Variants in MTOR observed in about 807,000 individuals in gnomAD.
The protein encoded by MTOR is serine/threonine-protein kinase mTOR.
In MTOR, 70 loss-of-function variants were observed where a neutral mutation model predicts 319.8. The ratio of observed to expected loss-of-function variants is 0.22; its 90% CI spans 0.18 to 0.27. The LOEUF is 0.27. Among genes scored for constraint, MTOR ranks in the 10% least tolerant of loss-of-function variants. The pLI is 1.00. For synonymous variants in MTOR, 1,183 were observed against 1,211.4 expected (o/e 0.98, Z 0.49); for missense variants, 1,890 against 3,274.4 (o/e 0.58, Z 10.32).
chr1:11,122,683 A>G (rs1321567578), intron 47 of MTOR, among the ~76,000 whole-genome samples: 1 of 150,550 alleles, frequency 6.6e-6, no homozygotes, highest in East Asian at 2.0e-4. Flanking sequence ...AATTTTTTGT[A>G]TTTTTAGTAG....
At chr1:11,250,086 C>T (rs1226709487) in intron 6 of MTOR, among the ~76,000 whole-genome samples, 4 of 131,118 alleles carry the variant, frequency 3.1e-5, no homozygotes, top group East Asian at 4.8e-4. Context: ...GGCGGCTGGC[C>T]GGGCAGAGGG....
At chr1:11,132,890 T>C in intron 38 of MTOR, 190 bp downstream of exon 38, 1 of 589,226 alleles carries the variant, frequency 1.7e-6, no homozygotes. Context: ...CAATAATCTT[T>C]CTGTATTAAT....
rs1191287195 is a variant in MTOR, at chr1:11,259,387, G to A, written c.23C>T (p.Ala8Val). MLGTGPA[A>V]ATTAATTSSN... ...AGATGTGGTGGCAGCGGTGGTGGCGGCGGCAGGTCCGGTTCCAAGCATCTT... is the reference window on the plus strand; with the variant it reads ...AGATGTGGTGGCAGCGGTGGTGGCGACGGCAGGTCCGGTTCCAAGCATCTT... Residue 8 changes from alanine to valine, a missense_variant, in exon 2 of 58, where the codon GCC (alanine) becomes GTC (valine). Coordinates refer to ENST00000361445, the MANE Select transcript of MTOR (RefSeq NM_004958.4). 1 of 1,589,668 alleles carries A rather than the reference G, an allele frequency of 6.3e-7. No individual in the cohort carries two copies. Among genetic ancestry groups the A allele is most frequent in the Non-Finnish European group, 8.5e-7 (1 of 1,170,280 alleles).
chr1:11,253,546 T>C (rs1405610936), intron 6 of MTOR, among the ~76,000 whole-genome samples: 1 of 151,896 alleles, frequency 6.6e-6, no homozygotes, highest in Non-Finnish European at 1.5e-5. Flanking sequence ...TGGAACACAG[T>C]CCCCCGGCCT....
intron 30 of MTOR, among the ~76,000 whole-genome samples, chr1:11,153,968 C>A (rs1400291664): frequency 2.8e-5 from 4 of 141,722 alleles, no homozygotes; most frequent in Non-Finnish European, 6.1e-5. Context: ...ACTCAGGAGG[C>A]TGGGGCAGGA....
rs143625307 is a variant in MTOR, at chr1:11,145,983, T to A, written c.4686+693A>T. On this transcript the variant is annotated intron_variant, in intron 32 of 57. Transcript: ENST00000361445. ...CTGTCCACATGAACGGGAACTCTTG[T>A]GTCTCTGACAGAGACAACCAAGATC... Among the ~76,000 whole-genome samples the A allele has an allele frequency of 7.7e-3, 1,175 of 152,316 alleles. 21 individuals are homozygous for A. Among genetic ancestry groups the A allele is most frequent in the African/African-American group, 0.027 (1,109 of 41,556 alleles).
At chr1:11,158,623 A>T (rs1470029603) in intron 29 of MTOR, among the ~76,000 whole-genome samples, 1 of 152,104 alleles carries the variant, frequency 6.6e-6, no homozygotes, top group Admixed American at 6.6e-5. Context: ...TATTATGCCT[A>T]AATACAAAAT....
At chr1:11,108,393 A>G in intron 56 of MTOR, 107 bp from the exon 57 acceptor site, 2 of 877,090 alleles carry the variant, frequency 2.3e-6, no homozygotes, top group Non-Finnish European at 3.7e-6. Flanking sequence ...GTCAGACATG[A>G]AGATGAAGGA....
rs763010045 is a variant in MTOR, at chr1:11,127,164, C to A, written c.6217-20G>T. ...ATAGGCCTGAGAGAGAAAGCAGGCA[C>A]GTTTTCAAGTTATCAAAGTCTCAAC... On this transcript the variant is annotated intron_variant, in intron 44 of 57. Coordinates refer to ENST00000361445, the MANE Select transcript of MTOR (RefSeq NM_004958.4). The surrounding 1 kb of genome is among the most constrained non-coding windows in gnomAD (Gnocchi z 5.5). 2.5e-6 allele frequency: 4 copies of A among 1,612,864 alleles called. No homozygotes were observed. Among genetic ancestry groups the A allele is most frequent in the Non-Finnish European group, 8.5e-7 (1 of 1,179,732 alleles).
Position 11,127,270 on chromosome 1 carries a change from C to A in MTOR, c.6217-126G>T. ...GTGGCCTGAAAACACTGGCAGGGGG[C>A]TGGAGAAAGCAAGAGCATAGGTGCA... On this transcript the variant is annotated intron_variant, in intron 44 of 57. Transcript: ENST00000361445. The surrounding 1 kb of genome is among the most constrained non-coding windows in gnomAD (Gnocchi z 5.5). 7.5e-7 allele frequency: 1 copy of A among 1,337,784 alleles called. No homozygotes were observed. The highest frequency in any genetic ancestry group is 1.0e-6 in the Non-Finnish European group (1 of 981,782). 82.9% of individuals were successfully genotyped at this position (1,337,784 alleles called of 1,614,324 possible). A position where few individuals can be genotyped will look rare whatever the true frequency, so the allele number is the denominator to read the frequency against.
At chr1:11,170,276 TG>T (rs1207552784) in intron 28 of MTOR, among the ~76,000 whole-genome samples, 5 of 152,324 alleles carry the variant, frequency 3.3e-5, no homozygotes, top group Non-Finnish European at 7.3e-5. Context: ...CAATGCCACT[TG>T]GCCCCATAAA....
rs535354718 is a variant in MTOR at position 11,110,454 on chromosome 1, G to T, written c.7367-725C>A. On this transcript the variant is annotated intron_variant, in intron 54 of 57. Coordinates refer to ENST00000361445, the MANE Select transcript of MTOR (RefSeq NM_004958.4). The stretch of plus-strand genomic sequence containing the variant: ...TTTCGCTCTTGTTGCCCAGGCTGGA[G>T]TGCAGTGGCATGATATCGGCTCACT... Among the ~76,000 whole-genome samples the T allele has an allele frequency of 3.9e-5, 6 of 152,002 alleles. No homozygotes were observed. In the South Asian group the frequency reaches 1.2e-3, roughly 32 times the overall value.
At chr1:11,110,705 A>G (rs1455280583) in intron 54 of MTOR, among the ~76,000 whole-genome samples, 1 of 151,886 alleles carries the variant, frequency 6.6e-6, no homozygotes, top group African/African-American at 2.4e-5. Flanking sequence ...TGATAGTTAT[A>G]CTTCTATTAA....
chr1:11,189,651 G>A (rs777402633), intron 28 of MTOR: 12 of 1,614,098 alleles, frequency 7.4e-6, no homozygotes, highest in East Asian at 4.5e-5. Context: ...GCCACCCAGC[G>A]TGGCTGCAGA....
chr1:11,129,018 T>G lies in MTOR; in HGVS notation c.5715-67A>C. 7.5e-7 allele frequency: 1 copy of G among 1,335,246 alleles called. No homozygotes were observed. Among genetic ancestry groups the G allele is most frequent in the Non-Finnish European group, 1.1e-6 (1 of 947,276 alleles). The allele number at this position is 1,335,246 out of a possible 1,614,324, so 82.7% of individuals were successfully genotyped here. A position where few individuals can be genotyped will look rare whatever the true frequency, so the allele number is the denominator to read the frequency against. On this transcript the variant is annotated intron_variant, in intron 40 of 57. Transcript: ENST00000361445. This position sits in a 1 kb window ranked among gnomAD's most constrained non-coding sequence, Gnocchi z 4.7. The stretch of plus-strand genomic sequence containing the variant: ...AGTTTTTGCCTGCCTGTTTTTCATC[T>G]CTAAGGCTCCTGAGAAGAGAGCTGG...
chr1:11,234,397 A>C, intron 13 of MTOR, 132 bp from the exon 14 acceptor site: 5 of 1,018,520 alleles, frequency 4.9e-6, no homozygotes, highest in Non-Finnish European at 7.2e-6. Context: ...TAGCTGCTAG[A>C]TACTCAATGA....
intron 30 of MTOR, among the ~76,000 whole-genome samples, chr1:11,156,465 C>T (rs796339134): frequency 6.6e-5 from 10 of 152,270 alleles, no homozygotes; most frequent in African/African-American, 9.6e-5. Context: ...TTCTCAGTTA[C>T]GCATTACTGT....
intron 38 of MTOR, chr1:11,132,879 C>T (rs1643226672): frequency 1.8e-6 from 1 of 570,166 alleles, no homozygotes; most frequent in Non-Finnish European, 3.1e-6. Context: ...AAGTATTTCT[C>T]CAATAATCTT....
intron 8 of MTOR, among the ~76,000 whole-genome samples, chr1:11,244,296 TAAAAAAAAA>T (rs35865993): frequency 1.1e-5 from 1 of 88,952 alleles, no homozygotes; most frequent in Admixed American, 1.5e-4. Context: ...ACATCTCATT[TAAAAAAAAA>T]AAAAAAAAAA....
Sources: gnomAD v4.1 joint callset for allele counts (sites outside exome capture counted in the v4.1 genomes callset) on GRCh38, gnomAD v4.1.1 for gene constraint, Gnocchi (gnomAD v3.1) non-coding constraint, MANE v1.5 for transcripts, NCBI Gene and HGNC (gene_info 2026-07-23, HGNC 2026-07-21) for gene names.